AKAP6: variants seen among roughly 807,000 people sequenced by gnomAD.
The protein encoded by AKAP6 is A-kinase anchor protein 6.
AKAP6 carries 58 observed loss-of-function variants against 188.5 expected under a neutral mutation model. The ratio of observed to expected loss-of-function variants is 0.31; its 90% confidence interval spans 0.25 to 0.38. The LOEUF (loss-of-function observed/expected upper bound fraction) is 0.38, where lower values mean the gene tolerates loss of function less well. Among genes scored for constraint, AKAP6 ranks in the 10% least tolerant of loss-of-function variants. The pLI is 1.00. For synonymous variants in AKAP6, 989 were observed against 998.6 expected, an observed-to-expected ratio of 0.99 and a Z score of 0.18; for missense variants, 2,710 against 2,740.0, an observed-to-expected ratio of 0.99 and a Z score of 0.24.
chr14:32,558,593 A>G (rs1883793030), intron 4 of AKAP6, among the ~76,000 whole-genome samples: 1 of 152,242 alleles, frequency 6.6e-6, no homozygotes, highest in African/African-American at 2.4e-5. Context: ...TGTTTGGGTG[A>G]TAGTTAAGAG....
intron 9 of AKAP6, among the ~76,000 whole-genome samples, chr14:32,701,418 A>G (rs890488271): frequency 1.3e-5 from 2 of 152,140 alleles, no homozygotes; most frequent in African/African-American, 4.8e-5. Context: ...AGAAAAAGAG[A>G]TAATACTTCC....
chr14:32,402,111 T>C (rs1422285031), intron 1 of AKAP6: 2 of 152,334 alleles, frequency 1.3e-5, no homozygotes, highest in African/African-American at 4.8e-5. Context: ...AAAATAAATT[T>C]CTCTCTGTTG....
chr14:32,336,633 G>C (rs1044138157), intron 1 of AKAP6, among the ~76,000 whole-genome samples: 1 of 152,156 alleles, frequency 6.6e-6, no homozygotes, highest in South Asian at 2.1e-4. Flanking sequence ...CCTTGACATG[G>C]AGCTCCAAGC....
chr14:32,563,993 C>T (rs1040984168), intron 4 of AKAP6, among the ~76,000 whole-genome samples: 2 of 152,008 alleles, frequency 1.3e-5, no homozygotes, highest in East Asian at 1.9e-4. Flanking sequence ...GGATTCGTTC[C>T]AAGACCCCCT....
At chr14:32,341,038 C>A (rs527606081) in intron 1 of AKAP6, among the ~76,000 whole-genome samples, 1 of 152,346 alleles carries the variant, frequency 6.6e-6, no homozygotes, top group South Asian at 2.1e-4. Flanking sequence ...TTATATTTCA[C>A]ACTTGTGTGT....
rs528002660 is a variant in AKAP6 at position 32,789,319 on chromosome 14, T to G, written c.3588+15426T>G. ...CCTGCCAGCTTTGGAGAATACAAAC[T>G]GTCTGGACGCGGAAGGGTCTCTCCC... On this transcript the variant is annotated intron_variant, in intron 12 of 13. Transcript: ENST00000280979. Among the ~76,000 whole-genome samples the G allele has an allele frequency of 5.9e-5, 9 of 152,316 alleles. No individual in the cohort carries two copies. In the South Asian group the frequency reaches 1.9e-3, roughly 32 times the overall value.
At chr14:32,549,978 A>G (rs1174802873) in intron 4 of AKAP6, among the ~76,000 whole-genome samples, 2 of 152,226 alleles carry the variant, frequency 1.3e-5, no homozygotes, top group African/African-American at 4.8e-5. Flanking sequence ...ATCAGGCAAG[A>G]GGAAGGGAGG....
At chr14:32,748,582 G>A (rs1594907055) in intron 11 of AKAP6, among the ~76,000 whole-genome samples, 3 of 152,272 alleles carry the variant, frequency 2.0e-5, no homozygotes, top group African/African-American at 7.2e-5. Context: ...TTGGTGAGTT[G>A]TATGATCTCT....
intron 2 of AKAP6, chr14:32,495,527 G>C (rs76877679): frequency 0.11 from 16,001 of 152,164 alleles, 1,000 homozygotes; most frequent in Non-Finnish European, 0.14. Context: ...TATGTTAGTG[G>C]ACACTGCTTC....
intron 1 of AKAP6, among the ~76,000 whole-genome samples, chr14:32,415,102 G>A (rs142391728): frequency 1.2e-3 from 188 of 152,314 alleles, no homozygotes; most frequent in African/African-American, 4.4e-3. Context: ...TAGAAGACAA[G>A]AAGAGTGGGC....
At chr14:32,392,172 A>G (rs935739577) in intron 1 of AKAP6, among the ~76,000 whole-genome samples, 2 of 152,244 alleles carry the variant, frequency 1.3e-5, no homozygotes, top group Non-Finnish European at 2.9e-5. Context: ...TTTTGATTAT[A>G]TATTACAAGG....
At chr14:32,548,656 C>T (rs1002502939) in intron 4 of AKAP6, among the ~76,000 whole-genome samples, 22 of 152,164 alleles carry the variant, frequency 1.4e-4, no homozygotes, top group African/African-American at 5.3e-4. Context: ...GACAGACAGA[C>T]AGGCAGAGAC....
At chr14:32,786,445 C>A (rs966635592) in intron 12 of AKAP6, among the ~76,000 whole-genome samples, 1 of 150,398 alleles carries the variant, frequency 6.6e-6, no homozygotes, top group Non-Finnish European at 1.5e-5. Flanking sequence ...GTAGCTGGGA[C>A]TACAGGCGCC....
At chr14:32,657,321 A>G (rs1215622140) in intron 7 of AKAP6, among the ~76,000 whole-genome samples, 3 of 152,200 alleles carry the variant, frequency 2.0e-5, no homozygotes, top group Non-Finnish European at 2.9e-5. Flanking sequence ...CGTGGCAGGA[A>G]CAAGAAGAGA....
intron 2 of AKAP6, among the ~76,000 whole-genome samples, chr14:32,487,918 G>A (rs973273677): frequency 2.0e-5 from 3 of 152,148 alleles, no homozygotes; most frequent in African/African-American, 4.8e-5. Flanking sequence ...TGGAAGCTTC[G>A]TCCCAGAGGG....
Position 32,584,800 on chromosome 14 carries a change from T to C in AKAP6, c.2469+7558T>C, listed in dbSNP as rs933739237. The stretch of plus-strand genomic sequence containing the variant: ...AGTGTACTTATTTTGGGATATGTTA[T>C]GTTGTTTCATGTATCAATTATTAAT... On this transcript the variant is annotated intron_variant, in intron 5 of 13. Coordinates refer to ENST00000280979, the MANE Select transcript of AKAP6 (RefSeq NM_004274.5). Among the ~76,000 whole-genome samples, 5 of 152,228 alleles carry C rather than the reference T, an allele frequency of 3.3e-5. No individual in the cohort carries two copies. The South Asian group carries it at 1.0e-3, about 32-fold the overall frequency.
intron 7 of AKAP6, among the ~76,000 whole-genome samples, chr14:32,630,188 T>C (rs528159751): frequency 6.6e-6 from 1 of 152,138 alleles, no homozygotes; most frequent in South Asian, 2.1e-4. Flanking sequence ...GAAGATCTCA[T>C]TTCATCTTAA....
chr14:32,413,135 CAGGGATGGTCTT>C (rs1889541385), intron 1 of AKAP6, among the ~76,000 whole-genome samples: 1 of 148,790 alleles, frequency 6.7e-6, no homozygotes, highest in Admixed American at 6.7e-5. Context: ...TCAGAAAGGT[CAGGGATGGTCTT>C]AGGGACAAAA....
At chr14:32,718,416 G>A (rs1477352508) in intron 9 of AKAP6, 1 of 704,724 alleles carries the variant, frequency 1.4e-6, no homozygotes, top group East Asian at 1.3e-4. Context: ...AAGGCCCAAG[G>A]GGTCAGGGGA....
Sources: allele counts gnomAD v4.1 joint callset (sites outside exome capture counted in the v4.1 genomes callset), GRCh38; gene constraint gnomAD v4.1.1; transcripts MANE v1.5; gene names NCBI Gene and HGNC (gene_info 2026-07-23, HGNC 2026-07-21).